The following PPFIA2 variants were observed in gnomAD, a reference collection of about 807,000 sequenced individuals.
PPFIA2 encodes liprin-alpha-2.
In PPFIA2, 46 loss-of-function variants were observed where a neutral mutation model predicts 175.5. The ratio of observed to expected loss-of-function variants is 0.26; its 90% CI spans 0.21 to 0.34. The LOEUF is 0.34. Among genes scored for constraint, PPFIA2 ranks in the 10% least tolerant of loss-of-function variants. The pLI is 1.00. For synonymous variants in PPFIA2, 568 were observed against 511.4 expected, an observed-to-expected ratio of 1.11 and a Z score of -1.49; for missense variants, 1,179 against 1,506.1, an observed-to-expected ratio of 0.78 and a Z score of 3.60.
chr12:81,709,739 G>T (rs2077653498), intron 3 of PPFIA2, among the ~76,000 whole-genome samples: 1 of 151,878 alleles, frequency 6.6e-6, no homozygotes. Context: ...CTCCTGTGTT[G>T]AATACTTATA....
intron 15 of PPFIA2, among the ~76,000 whole-genome samples, chr12:81,358,479 C>A (rs2141107789): frequency 6.6e-6 from 1 of 152,208 alleles, no homozygotes; most frequent in East Asian, 1.9e-4. Context: ...TGTTTATTAT[C>A]ATTTTCAAAT....
intron 4 of PPFIA2, among the ~76,000 whole-genome samples, chr12:81,591,401 A>C (rs1356008694): frequency 2.0e-5 from 3 of 152,212 alleles, no homozygotes; most frequent in African/African-American, 7.2e-5. Context: ...GAGAAATTCA[A>C]GCCGGCTGCA....
intron 7 of PPFIA2, among the ~76,000 whole-genome samples, chr12:81,407,503 A>AAAATAAAATC (rs1350301591): frequency 1.3e-5 from 2 of 151,100 alleles, no homozygotes; most frequent in Admixed American, 1.3e-4. Flanking sequence ...AAAATAAAAT[A>AAAATAAAATC]AAATAAAATA....
rs189936521 is a variant in PPFIA2 at position 81,713,321 on chromosome 12, A to T, written c.250-36477T>A. On this transcript the variant is annotated intron_variant, in intron 3 of 32. Coordinates refer to ENST00000549396, the MANE Select transcript of PPFIA2 (RefSeq NM_003625.5). Reference sequence around the variant, plus strand: ...AAAATTAAGACACTTGCCCAAGGCCACCCAGCTAAGAGTAACAAAATTGGG... The same window carrying T: ...AAAATTAAGACACTTGCCCAAGGCCTCCCAGCTAAGAGTAACAAAATTGGG... 2.0e-5 allele frequency among the ~76,000 whole-genome samples: 3 copies of T among 151,158 alleles called. No individual in the cohort carries two copies. The East Asian group carries it at 6.1e-4, about 31-fold the overall frequency.
At chr12:81,532,173 C>T (rs973056245) in intron 4 of PPFIA2, among the ~76,000 whole-genome samples, 1 of 151,688 alleles carries the variant, frequency 6.6e-6, no homozygotes, top group African/African-American at 2.4e-5. Context: ...TGAGCAAATC[C>T]AGTCAAATTA....
intron 5 of PPFIA2, among the ~76,000 whole-genome samples, chr12:81,456,383 T>G (rs755475449): frequency 6.6e-6 from 1 of 152,182 alleles, no homozygotes; most frequent in Non-Finnish European, 1.5e-5. Context: ...AATGTATGCA[T>G]GTATGTGAAT....
At chr12:81,414,783 G>A (rs1366489196) in intron 7 of PPFIA2, among the ~76,000 whole-genome samples, 1 of 151,434 alleles carries the variant, frequency 6.6e-6, no homozygotes, top group Non-Finnish European at 1.5e-5. Context: ...GAAAAAACTA[G>A]TAAAACAGTA....
intron 7 of PPFIA2, among the ~76,000 whole-genome samples, chr12:81,435,715 C>T (rs371356455): frequency 1.3e-5 from 2 of 151,960 alleles, no homozygotes; most frequent in East Asian, 1.9e-4. Flanking sequence ...TGCATATATG[C>T]GTATGTATGA....
Position 81,281,430 on chromosome 12 carries a change from G to A in PPFIA2, c.3039C>T (p.Thr1013=), listed in dbSNP as rs766999248. ...CATGATTCATATCTCCATAAGCCAGGGTCTGTAGAAAAACCGGACACTAGA... is the reference window on the plus strand; with the variant it reads ...CATGATTCATATCTCCATAAGCCAGAGTCTGTAGAAAAACCGGACACTAGA... The part of the protein sequence containing the change: ...SWAQCPVFLQ[T]LAYGDMNHEW... Residue 1013 remains threonine (T), a synonymous_variant, in exon 27 of 33, where the codon ACC becomes ACT. Coordinates refer to ENST00000549396, the MANE Select transcript of PPFIA2 (RefSeq NM_003625.5). 35 of 1,602,648 alleles carry A rather than the reference G, an allele frequency of 2.2e-5. No individual in the cohort carries two copies. The highest frequency in any genetic ancestry group is 2.8e-5 in the Non-Finnish European group (33 of 1,173,642).
intron 4 of PPFIA2, among the ~76,000 whole-genome samples, chr12:81,481,127 A>G (rs184785748): frequency 6.6e-6 from 1 of 152,300 alleles, no homozygotes; most frequent in Non-Finnish European, 1.5e-5. Flanking sequence ...ATCATGAGTG[A>G]ACTACCATTC....
intron 7 of PPFIA2, among the ~76,000 whole-genome samples, chr12:81,423,531 G>C (rs1003599031): frequency 3.9e-5 from 6 of 152,044 alleles, no homozygotes; most frequent in African/African-American, 1.4e-4. Flanking sequence ...AAAGGCAAAT[G>C]AAAAAGTTCA....
intron 4 of PPFIA2, among the ~76,000 whole-genome samples, chr12:81,548,847 C>T (rs1303923201): frequency 6.6e-6 from 1 of 152,050 alleles, no homozygotes; most frequent in Non-Finnish European, 1.5e-5. Flanking sequence ...TTTTATTTTG[C>T]ATTTAAAAAC....
At chr12:81,673,472 G>T (rs1459638419) in intron 4 of PPFIA2, among the ~76,000 whole-genome samples, 4 of 151,962 alleles carry the variant, frequency 2.6e-5, no homozygotes, top group African/African-American at 4.8e-5. Context: ...TGACAAAGTG[G>T]TATATTTACA....
At chr12:81,629,822 G>A (rs922710341) in intron 4 of PPFIA2, among the ~76,000 whole-genome samples, 1 of 152,158 alleles carries the variant, frequency 6.6e-6, no homozygotes, top group African/African-American at 2.4e-5. Flanking sequence ...GGATTTCTGT[G>A]ATGGGCAGAA....
intron 20 of PPFIA2, 42 bp downstream of exon 20, chr12:81,341,036 G>A (rs1387880319): frequency 6.6e-7 from 1 of 1,524,314 alleles, no homozygotes; most frequent in Non-Finnish European, 8.9e-7. Flanking sequence ...AATATTTTTG[G>A]AAGGAGGGCA....
intron 4 of PPFIA2, among the ~76,000 whole-genome samples, chr12:81,588,204 A>G (rs751963217): frequency 2.0e-5 from 3 of 152,014 alleles, no homozygotes; most frequent in Admixed American, 6.6e-5. Context: ...ATAAGCTTCC[A>G]GAAAGTATTT....
At chr12:81,629,096 T>C (rs1400449089) in intron 4 of PPFIA2, among the ~76,000 whole-genome samples, 2 of 152,094 alleles carry the variant, frequency 1.3e-5, no homozygotes, top group Non-Finnish European at 2.9e-5. Context: ...GTATGCACCA[T>C]CACAATGAGA....
intron 4 of PPFIA2, among the ~76,000 whole-genome samples, chr12:81,550,887 G>A (rs1034407288): frequency 6.6e-6 from 1 of 151,896 alleles, no homozygotes; most frequent in Admixed American, 6.6e-5. Flanking sequence ...GTCTCAGAAG[G>A]AAATTGGAAG....
chr12:81,273,927 A>G (rs1232452804), intron 28 of PPFIA2, among the ~76,000 whole-genome samples: 1 of 151,012 alleles, frequency 6.6e-6, no homozygotes, highest in Non-Finnish European at 1.5e-5. Context: ...GATTTCCTTA[A>G]TATTCTTTAC....
Sources: gnomAD v4.1 joint callset for allele counts (sites outside exome capture counted in the v4.1 genomes callset) on GRCh38, gnomAD v4.1.1 for gene constraint, MANE v1.5 for transcripts, NCBI Gene and HGNC (gene_info 2026-07-23, HGNC 2026-07-21) for gene names.